Variants in EYS observed in about 807,000 individuals in gnomAD.
EYS encodes the protein protein eyes shut homolog.
Under a neutral mutation model 282.1 loss-of-function variants are expected in EYS, and 250 were observed. That is an observed-to-expected ratio of 0.89 (90% CI 0.80 to 0.98). The LOEUF (loss-of-function observed/expected upper bound fraction) is 0.98, where lower values mean the gene tolerates loss of function less well. Ranked by LOEUF, EYS falls within the 50% of genes least tolerant of loss-of-function variation. The pLI, the probability that EYS is intolerant of heterozygous loss-of-function variation, is 0.00. For missense variants in EYS, 4,016 were observed against 3,709.0 expected, an observed-to-expected ratio of 1.08 and a Z score of -2.15; for synonymous variants, 1,355 against 1,282.9, an observed-to-expected ratio of 1.06 and a Z score of -1.20.
intron 5 of EYS, among the ~76,000 whole-genome samples, chr6:65,413,612 C>A (rs969877257): frequency 9.2e-5 from 14 of 152,104 alleles, no homozygotes; most frequent in Admixed American, 7.2e-4. Flanking sequence ...ATAATCCCAG[C>A]ACTTTGGGAG....
chr6:64,461,143 A>C (rs1485454359), intron 26 of EYS, among the ~76,000 whole-genome samples: 1 of 152,166 alleles, frequency 6.6e-6, no homozygotes, highest in African/African-American at 2.4e-5. Flanking sequence ...TCATGTAAGG[A>C]ATATTTATAT....
intron 19 of EYS, among the ~76,000 whole-genome samples, chr6:64,838,617 T>TACACAC (rs56901295): frequency 0.019 from 2,849 of 149,254 alleles, 36 homozygotes; most frequent in Middle Eastern, 0.055. Flanking sequence ...TCTGTTTCTC[T>TACACAC]ACACACACAC....
At chr6:65,414,764 T>C (rs905297764) in intron 5 of EYS, among the ~76,000 whole-genome samples, 1 of 151,956 alleles carries the variant, frequency 6.6e-6, no homozygotes, top group African/African-American at 2.4e-5. Context: ...CGGGGTGAGG[T>C]CATAAGTGAA....
chr6:65,141,468 T>A (rs576967725), intron 12 of EYS, among the ~76,000 whole-genome samples: 2 of 151,224 alleles, frequency 1.3e-5, no homozygotes, highest in Admixed American at 6.6e-5. Context: ...ATTGTGCACA[T>A]GTACCCAAAA....
Position 65,384,375 on chromosome 6 carries a change from A to G in EYS, c.1299+11T>C. On this transcript the variant is annotated intron_variant, in intron 8 of 42. Transcript: ENST00000503581. Reference sequence around the variant, plus strand: ...GGGCTAACTTATGTTGCCATGTATTAAATTACTTACTTTGAATCTTCCAAT... The same window carrying G: ...GGGCTAACTTATGTTGCCATGTATTGAATTACTTACTTTGAATCTTCCAAT... 6.8e-7 allele frequency: 1 copy of G among 1,478,208 alleles called. No homozygotes were observed. The highest frequency in any genetic ancestry group is 1.7e-5 in the Admixed American group (1 of 59,458). 91.6% of individuals were successfully genotyped at this position (1,478,208 alleles called of 1,614,324 possible). A position where few individuals can be genotyped will look rare whatever the true frequency, so the allele number is the denominator to read the frequency against.
rs1220466737 is a variant in EYS, at chr6:65,422,658, T to C, written c.863-17291A>G. 3.3e-5 allele frequency among the ~76,000 whole-genome samples: 5 copies of C among 151,630 alleles called. No homozygotes were observed. In the East Asian group the frequency reaches 9.7e-4, roughly 29 times the overall value. On this transcript the variant is annotated intron_variant, in intron 5 of 42. Transcript: ENST00000503581. ...AAATAAACATCTGTGACCCACAGAG[T>C]AATGTGTTCATATGAAGCAACAGGA...
intron 26 of EYS, among the ~76,000 whole-genome samples, chr6:64,479,266 C>T (rs1286379667): frequency 2.0e-5 from 3 of 151,982 alleles, no homozygotes; most frequent in Admixed American, 6.6e-5. Context: ...AAGACCCAGT[C>T]CTCTCCTAGG....
intron 12 of EYS, among the ~76,000 whole-genome samples, chr6:65,179,090 A>G (rs1765303622): frequency 6.6e-6 from 1 of 152,150 alleles, no homozygotes; most frequent in Admixed American, 6.5e-5. Context: ...ATAGCACTAA[A>G]TGCCCGCAAG....
At chr6:63,797,654 T>G (rs1309228793) in intron 37 of EYS, 1 of 152,220 alleles carries the variant, frequency 6.6e-6, no homozygotes, top group Non-Finnish European at 1.5e-5. Flanking sequence ...ATTAGAACCA[T>G]GTACAGCCAT....
At chr6:64,801,948 G>T (rs1286660169) in intron 22 of EYS, among the ~76,000 whole-genome samples, 1 of 150,466 alleles carries the variant, frequency 6.6e-6, no homozygotes, top group South Asian at 2.1e-4. Flanking sequence ...CTCTGATTAG[G>T]TTGGCTGTAG....
At chr6:64,726,701 A>T (rs943930307) in intron 22 of EYS, among the ~76,000 whole-genome samples, 4 of 152,174 alleles carry the variant, frequency 2.6e-5, no homozygotes, top group African/African-American at 9.6e-5. Context: ...GGAGTTAATG[A>T]TTGTTTCACA....
At chr6:64,489,849 G>A (rs970720226) in intron 26 of EYS, among the ~76,000 whole-genome samples, 1 of 150,500 alleles carries the variant, frequency 6.6e-6, no homozygotes, top group Non-Finnish European at 1.5e-5. Context: ...TACATATTGT[G>A]GAGCCCTTTA....
chr6:64,356,564 C>A (rs1480371626), intron 29 of EYS, among the ~76,000 whole-genome samples: 1 of 151,578 alleles, frequency 6.6e-6, no homozygotes, highest in Non-Finnish European at 1.5e-5. Flanking sequence ...TTAGTCTGGG[C>A]TTAGTAACAC....
At chr6:64,609,542 C>T (rs1212448969) in intron 24 of EYS, among the ~76,000 whole-genome samples, 2 of 152,022 alleles carry the variant, frequency 1.3e-5, no homozygotes, top group East Asian at 1.9e-4. Context: ...TGTAGGACTT[C>T]GGAATGGATT....
At chr6:65,259,218 T>C (rs181687146) in intron 12 of EYS, among the ~76,000 whole-genome samples, 2 of 152,180 alleles carry the variant, frequency 1.3e-5, no homozygotes, top group African/African-American at 2.4e-5. Flanking sequence ...CATTTCAGGA[T>C]AGAAGCATTA....
rs1765090385 is a variant in EYS, at chr6:63,937,340, CTTTTCTTTTTTTTTTTTTTTTT to C, written c.7055+47021_7055+47042del. Among the ~76,000 whole-genome samples the C allele has an allele frequency of 6.3e-4, 29 of 46,086 alleles. 1 individual carries two copies. The highest frequency in any genetic ancestry group is 1.6e-3 in the East Asian group (3 of 1,826). 30.2% of individuals were successfully genotyped at this position (46,086 alleles called of 152,430 possible). A position where few individuals can be genotyped will look rare whatever the true frequency, so the allele number is the denominator to read the frequency against. ...AGATCCAAATTTTCTAGGCTTCTCTCTTTTCTTTTTTTTTTTTTTTTTTTTTTTTTTTTTTTTTTTTTTTTTT... is the reference window on the plus strand; with the variant it reads ...AGATCCAAATTTTCTAGGCTTCTCTCTTTTTTTTTTTTTTTTTTTTTTTTT... On this transcript the variant is annotated intron_variant, in intron 35 of 42. Transcript: ENST00000503581.
intron 26 of EYS, among the ~76,000 whole-genome samples, chr6:64,463,034 C>T (rs1243629221): frequency 2.0e-5 from 3 of 150,120 alleles, no homozygotes; most frequent in African/African-American, 7.4e-5. Context: ...GCAAGCTTCG[C>T]CTCCCAGGTT....
At chr6:64,489,266 A>C (rs73767828) in intron 26 of EYS, among the ~76,000 whole-genome samples, 7,848 of 150,804 alleles carry the variant, frequency 0.052, 683 homozygotes, top group African/African-American at 0.18. Context: ...TCTAACTTCA[A>C]AATACTTTTT....
intron 18 of EYS, among the ~76,000 whole-genome samples, chr6:64,898,532 A>C (rs1301940053): frequency 6.6e-6 from 1 of 152,032 alleles, no homozygotes; most frequent in Non-Finnish European, 1.5e-5. Context: ...CACTACGAAG[A>C]AACTGCATCA....
Sources: gnomAD v4.1 joint callset for allele counts (sites outside exome capture counted in the v4.1 genomes callset) on GRCh38, gnomAD v4.1.1 for gene constraint, MANE v1.5 for transcripts, NCBI Gene and HGNC (gene_info 2026-07-23, HGNC 2026-07-21) for gene names.